FLVCR2: variants seen among roughly 807,000 people sequenced by gnomAD.
FLVCR2 encodes choline/ethanolamine transporter FLVCR2.
Under a neutral mutation model 48.9 loss-of-function variants are expected in FLVCR2, and 38 were observed. The observed-to-expected ratio is 0.78, with a 90% confidence interval of 0.60 to 1.02. The LOEUF (loss-of-function observed/expected upper bound fraction) is 1.02. FLVCR2 is among the 50% of genes least tolerant of loss of function. The probability of loss-of-function intolerance (pLI) is 0.00; values close to 1 mark genes in which losing one functional copy is unlikely to be tolerated. For synonymous variants in FLVCR2, 255 were observed against 257.0 expected (o/e 0.99, Z 0.07); for missense variants, 664 against 663.3 (o/e 1.00, Z -0.01).
At chr14:75,590,410 G>GC (rs1888852981) in intron 1 of FLVCR2, among the ~76,000 whole-genome samples, 1 of 152,114 alleles carries the variant, frequency 6.6e-6, no homozygotes, top group South Asian at 2.1e-4. Context: ...TCTGCTGTTA[G>GC]CCCCCCAAAA....
chr14:75,629,311 C>CT (rs1350937280), intron 3 of FLVCR2, among the ~76,000 whole-genome samples: 2 of 152,034 alleles, frequency 1.3e-5, no homozygotes, highest in East Asian at 1.9e-4. Flanking sequence ...TATTTATTTG[C>CT]TATTTTTTTT....
chr14:75,645,273 A>C (rs1890396283), intron 9 of FLVCR2, among the ~76,000 whole-genome samples: 1 of 152,192 alleles, frequency 6.6e-6, no homozygotes, highest in Admixed American at 6.5e-5. Flanking sequence ...TGTCCACTTG[A>C]CATTGGCTTC....
chr14:75,645,024 GGCGGGC>G (rs1890385223), intron 9 of FLVCR2, among the ~76,000 whole-genome samples: 1 of 139,162 alleles, frequency 7.2e-6, no homozygotes, highest in Non-Finnish European at 1.5e-5. Flanking sequence ...CTTTGGAGGA[GGCGGGC>G]GTGGTGTGTG....
chr14:75,584,072 C>A (rs1164586757), intron 1 of FLVCR2, among the ~76,000 whole-genome samples: 1 of 152,172 alleles, frequency 6.6e-6, no homozygotes, highest in East Asian at 1.9e-4. Context: ...GCACAGATGG[C>A]ACGGCTTAGG....
Position 75,579,105 on chromosome 14 carries a change from G to A in FLVCR2, c.133G>A (p.Val45Ile), listed in dbSNP as rs1013248578. ...VHPSVSINPSVSVHPSSSAHP... is the reference protein window; with the variant it reads ...VHPSVSINPSISVHPSSSAHP... Reference sequence around the variant, plus strand: ...TCCCAGCGTCTCCATCAACCCCAGCGTCTCTGTCCACCCCAGCAGTTCGGC... The same window carrying A: ...TCCCAGCGTCTCCATCAACCCCAGCATCTCTGTCCACCCCAGCAGTTCGGC... Residue 45 changes from valine to isoleucine, a missense_variant, in exon 1 of 10, where the codon GTC becomes ATC. Physicochemically the swap from Val to Ile is conservative, Grantham distance 29 (BLOSUM62 3). Coordinates refer to ENST00000238667, the MANE Select transcript of FLVCR2 (RefSeq NM_017791.3). The A allele has an allele frequency of 1.2e-6, 2 of 1,613,960 alleles. 1 individual carries two copies. The highest frequency in any genetic ancestry group is 2.2e-5 in the South Asian group (2 of 91,068).
At chr14:75,624,163 AC>A in intron 2 of FLVCR2, among the ~76,000 whole-genome samples, 1 of 152,072 alleles carries the variant, frequency 6.6e-6, no homozygotes, top group Non-Finnish European at 1.5e-5. Context: ...GAAGTTTGAG[AC>A]CAGCCTGGGC....
intron 1 of FLVCR2, among the ~76,000 whole-genome samples, chr14:75,601,542 G>A (rs1228205693): frequency 1.3e-5 from 2 of 152,162 alleles, no homozygotes; most frequent in Non-Finnish European, 2.9e-5. Context: ...AAAAGTGTTG[G>A]TAAGGATGTG....
intron 5 of FLVCR2, among the ~76,000 whole-genome samples, chr14:75,636,119 G>C (rs1237947710): frequency 1.3e-5 from 2 of 151,932 alleles, no homozygotes; most frequent in African/African-American, 4.8e-5. Context: ...GGCAGCTGTT[G>C]GGCTGTACTG....
At chr14:75,601,283 T>G (rs375675256) in intron 1 of FLVCR2, among the ~76,000 whole-genome samples, 53 of 152,400 alleles carry the variant, frequency 3.5e-4, no homozygotes, top group African/African-American at 1.2e-3. Context: ...GCGGGCCAGG[T>G]GTTCCTTGCC....
In FLVCR2 at chr14:75,622,177, A is replaced by G; in HGVS notation, c.768A>G (p.Ile256Met). The change falls in exon 2 of 10, where the codon ATA becomes ATG. Residue 256 changes from isoleucine to methionine, a missense_variant. By Grantham distance (10) the Ile-to-Met change is conservative. Transcript: ENST00000238667. Reference protein sequence around the residue: ...LAYHISIMFYIIGGVATLLLI... With the variant: ...LAYHISIMFYMIGGVATLLLI... ...ACCACATCAGCATCATGTTCTATAT[A>G]ATAGGAGGTGTGGCCACTCTCCTCC... 1 of 1,614,006 alleles carries G rather than the reference A, an allele frequency of 6.2e-7. No individual in the cohort carries two copies. The highest frequency in any genetic ancestry group is 8.5e-7 in the Non-Finnish European group (1 of 1,179,914).
intron 1 of FLVCR2, among the ~76,000 whole-genome samples, chr14:75,613,874 A>T (rs902952901): frequency 6.6e-6 from 1 of 152,192 alleles, no homozygotes; most frequent in Non-Finnish European, 1.5e-5. Context: ...TAGAGGGGAC[A>T]ACATCCAAAC....
chr14:75,612,288 T>C (rs546166901), intron 1 of FLVCR2, among the ~76,000 whole-genome samples: 1 of 152,104 alleles, frequency 6.6e-6, no homozygotes, highest in Non-Finnish European at 1.5e-5. Context: ...CTCTAACCTC[T>C]TTCACCCAAA....
Position 75,603,517 on chromosome 14 carries a change from TGC to T in FLVCR2, c.670-18561_670-18560del, listed in dbSNP as rs1334509994. 9.8e-5 allele frequency among the ~76,000 whole-genome samples: 15 copies of T among 152,324 alleles called. No homozygotes were observed. The East Asian group carries it at 2.9e-3, about 29-fold the overall frequency. On this transcript the variant is annotated intron_variant, in intron 1 of 9. Transcript: ENST00000238667. ...CACTTCTATCGGCAATAAAATCCTC[TGC>T]ATTTACCATCTTTCAATTCGTTTGT...
In FLVCR2 at chr14:75,624,735, T is replaced by C. The variant is rs754112208; in HGVS notation, c.935T>C (p.Leu312Pro). Residue 312 changes from leucine to proline, a missense_variant, in exon 3 of 10, where the codon CTG (leucine) becomes CCG (proline). Coordinates refer to ENST00000238667, the MANE Select transcript of FLVCR2 (RefSeq NM_017791.3). Reference sequence around the variant, plus strand: ...CTCTTCAAAAATCTCAACTTTGTGCTGCTTGTCATCACCTATGGTAAGGTG... The same window carrying C: ...CTCTTCAAAAATCTCAACTTTGTGCCGCTTGTCATCACCTATGGTAAGGTG... ...ARLFKNLNFVLLVITYGLNAG... is the reference protein window; with the variant it reads ...ARLFKNLNFVPLVITYGLNAG... 6.2e-7 allele frequency: 1 copy of C among 1,614,226 alleles called. No individual in the cohort carries two copies. The highest frequency in any genetic ancestry group is 8.5e-7 in the Non-Finnish European group (1 of 1,180,024).
At chr14:75,597,829 C>T (rs1889063284) in intron 1 of FLVCR2, among the ~76,000 whole-genome samples, 1 of 152,102 alleles carries the variant, frequency 6.6e-6, no homozygotes, top group Non-Finnish European at 1.5e-5. Context: ...CTCAGCCTCC[C>T]AATGTGCTGG....
intron 5 of FLVCR2, 140 bp from the exon 6 acceptor site, chr14:75,639,212 G>GAAAAC (rs1890242042): frequency 2.8e-6 from 2 of 710,230 alleles, no homozygotes; most frequent in East Asian, 5.5e-5. Flanking sequence ...CACTGTCTCT[G>GAAAAC]AAAACAAAAC....
intron 5 of FLVCR2, among the ~76,000 whole-genome samples, chr14:75,636,755 C>T (rs1015678862): frequency 1.3e-5 from 2 of 152,198 alleles, no homozygotes; most frequent in Non-Finnish European, 2.9e-5. Context: ...AGCCAGTCCT[C>T]GTCACTCTAA....
At chr14:75,609,416 ATC>A (rs1189940313) in intron 1 of FLVCR2, among the ~76,000 whole-genome samples, 2 of 152,168 alleles carry the variant, frequency 1.3e-5, no homozygotes, top group African/African-American at 4.8e-5. Context: ...TGGTGCTGCA[ATC>A]TCTCTCTTTC....
intron 1 of FLVCR2, among the ~76,000 whole-genome samples, chr14:75,605,033 AG>A (rs1326679425): frequency 6.6e-6 from 1 of 151,266 alleles, no homozygotes; most frequent in Non-Finnish European, 1.5e-5. Flanking sequence ...GGAAGCGGGC[AG>A]GGGTAGGGGG....
Sources: allele counts gnomAD v4.1 joint callset (sites outside exome capture counted in the v4.1 genomes callset), GRCh38; gene constraint gnomAD v4.1.1; transcripts MANE v1.5; gene names NCBI Gene and HGNC (gene_info 2026-07-23, HGNC 2026-07-21).